Variants in RNH1 observed in about 807,000 individuals in gnomAD.
RNH1 encodes ribonuclease/angiogenin inhibitor 1.
Under a neutral mutation model 46.1 loss-of-function variants are expected in RNH1, and 38 were observed. That is an observed-to-expected ratio of 0.82 (90% CI 0.64 to 1.08). The LOEUF is 1.08. RNH1 is among the 50% of genes least tolerant of loss of function. RNH1 has a pLI of 0.00. For missense variants in RNH1, 577 were observed against 590.7 expected (o/e 0.98, Z 0.24); for synonymous variants, 319 against 279.1 (o/e 1.14, Z -1.43).
At chr11:499,786 A>G in intron 5 of RNH1, 43 bp downstream of exon 5, 1 of 1,580,974 alleles carries the variant, frequency 6.3e-7, no homozygotes, top group Non-Finnish European at 8.6e-7. Flanking sequence ...GCTGGGGGAC[A>G]GGCAGCGGCC....
rs1212231035 is a variant in RNH1 at position 499,562 on chromosome 11, C to T, written c.443+267G>A. 4.7e-5 allele frequency: 33 copies of T among 703,088 alleles called. No homozygotes were observed. In the East Asian group the frequency reaches 8.6e-4, roughly 18 times the overall value. The allele number at this position is 703,088 out of a possible 1,614,324, so 43.6% of individuals were successfully genotyped here. On this transcript the variant is annotated intron_variant, in intron 5 of 10. Transcript: ENST00000354420. ...ACTCACGGCCAGGCATCTGTTCCCACCGTCGGGTCCTGGGGCAGCTGTGCC... is the reference window on the plus strand; with the variant it reads ...ACTCACGGCCAGGCATCTGTTCCCATCGTCGGGTCCTGGGGCAGCTGTGCC...
chr11:502,242 C>G lies in RNH1; in HGVS notation c.-80G>C, dbSNP rs886762348. 1 of 1,173,276 alleles carries G rather than the reference C, an allele frequency of 8.5e-7. No individual in the cohort carries two copies. Among genetic ancestry groups the G allele is most frequent in the Non-Finnish European group, 1.2e-6 (1 of 808,992 alleles). The allele number at this position is 1,173,276 out of a possible 1,614,324, so 72.7% of individuals were successfully genotyped here. The stretch of plus-strand genomic sequence containing the variant: ...CGAATCCCCTCACAGTTTCACAGGC[C>G]GGAGATTCTGCAAACAGGACCCACA... On this transcript the variant is annotated 5_prime_UTR_variant, in exon 3 of 11. Coordinates refer to ENST00000354420, the MANE Select transcript of RNH1 (RefSeq NM_203387.3). The surrounding 1 kb of genome is among the most constrained non-coding windows in gnomAD (Gnocchi z 5.8).
chr11:504,245 G>A (rs1172246293), intron 2 of RNH1, among the ~76,000 whole-genome samples: 1 of 152,198 alleles, frequency 6.6e-6, no homozygotes, highest in Non-Finnish European at 1.5e-5. Flanking sequence ...ACGCTCAGGC[G>A]ACGCGCAAAA....
At chr11:503,490 G>C (rs979836941) in intron 2 of RNH1, 1 of 152,340 alleles carries the variant, frequency 6.6e-6, no homozygotes. Context: ...AGTGGCAAAG[G>C]GTGGTGACAT....
intron 9 of RNH1, among the ~76,000 whole-genome samples, chr11:496,325 A>G (rs1173627459): frequency 1.3e-5 from 2 of 152,170 alleles, no homozygotes; most frequent in Non-Finnish European, 2.9e-5. Flanking sequence ...CTTGAGGTCA[A>G]TAGTTCAAGA....
intron 8 of RNH1, 33 bp downstream of exon 8, chr11:498,424 G>A (rs754944198): frequency 6.2e-7 from 1 of 1,606,548 alleles, no homozygotes; most frequent in South Asian, 1.1e-5. Context: ...CCTCTCTTGG[G>A]CGACAGGGCC....
chr11:502,204 A>C lies in RNH1; in HGVS notation c.-42T>G. 6.6e-7 allele frequency: 1 copy of C among 1,505,018 alleles called. No homozygotes were observed. The highest frequency in any genetic ancestry group is 9.1e-7 in the Non-Finnish European group (1 of 1,094,602). 93.2% of individuals were successfully genotyped at this position (1,505,018 alleles called of 1,614,324 possible). On this transcript the variant is annotated 5_prime_UTR_variant, in exon 3 of 11. Transcript: ENST00000354420. This position sits in a 1 kb window ranked among gnomAD's most constrained non-coding sequence, Gnocchi z 5.8. ...GGCCTGGGTGGGAGGCAGAGGGAAG[A>C]GGACGTCTTGGCCGAATCCCCTCAC...
intron 9 of RNH1, among the ~76,000 whole-genome samples, chr11:496,680 AAAT>A (rs1338995696): frequency 6.6e-6 from 1 of 152,152 alleles, no homozygotes; most frequent in Non-Finnish European, 1.5e-5. Context: ...AAAACAAACA[AAAT>A]AAAATTAGCC....
chr11:507,086 C>A (rs1330271242), intron 1 of RNH1, 27 bp downstream of exon 1: 1 of 152,216 alleles, frequency 6.6e-6, no homozygotes, highest in Non-Finnish European at 1.5e-5. Context: ...CCTGGCTAGA[C>A]GCTGACGCAC....
At chr11:500,700 G>T (rs751139643) in intron 3 of RNH1, 46 bp from the exon 4 acceptor site, 1 of 1,594,152 alleles carries the variant, frequency 6.3e-7, no homozygotes, top group South Asian at 1.1e-5. Context: ...GACAGCACTG[G>T]CCTCAGCCTC....
Position 499,191 on chromosome 11 carries a change from G to A in RNH1, c.444-6C>T. 6.2e-7 allele frequency: 1 copy of A among 1,611,532 alleles called. No homozygotes were observed. Among genetic ancestry groups the A allele is most frequent in the Non-Finnish European group, 8.5e-7 (1 of 1,179,974 alleles). ...AGAGGCTGCAATACTCCAGCCTGGG[G>A]GACAGCAGAGCTCAGCACCACACAG... On this transcript the variant is annotated splice_region_variant and splice_polypyrimidine_tract_variant and intron_variant, in intron 5 of 10. Coordinates refer to ENST00000354420, the MANE Select transcript of RNH1 (RefSeq NM_203387.3).
At position 501,304 on chromosome 11, in the gene RNH1, G is replaced by A. The variant is rs1849731607; in HGVS notation, c.102-650C>T. On this transcript the variant is annotated intron_variant, in intron 3 of 10. Coordinates refer to ENST00000354420, the MANE Select transcript of RNH1 (RefSeq NM_203387.3). The surrounding 1 kb of genome is among the most constrained non-coding windows in gnomAD (Gnocchi z 4.1). ...GGACTTCAACCACAAGAAACCACCAGACAAGCCCCAACAGAGGACGTCCTG... is the reference window on the plus strand; with the variant it reads ...GGACTTCAACCACAAGAAACCACCAAACAAGCCCCAACAGAGGACGTCCTG... The A allele has an allele frequency of 5.6e-6, 1 of 178,776 alleles. No individual in the cohort carries two copies. Among genetic ancestry groups the A allele is most frequent in the Admixed American group, 5.4e-5 (1 of 18,488 alleles). The allele number at this position is 178,776 out of a possible 1,614,324, so 11.1% of individuals were successfully genotyped here.
At chr11:498,377 C>T (rs1037250043) in intron 8 of RNH1, 80 bp downstream of exon 8, 5 of 1,536,738 alleles carry the variant, frequency 3.3e-6, no homozygotes, top group Non-Finnish European at 4.4e-6. Context: ...TCCCTGGAGT[C>T]GCTCACTCCT....
In RNH1 at chr11:500,566, G is replaced by A. The variant is rs200324639; in HGVS notation, c.190C>T (p.Arg64Cys). 115 of 1,610,782 alleles carry A rather than the reference G, an allele frequency of 7.1e-5. No individual in the cohort carries two copies. The highest frequency in any genetic ancestry group is 6.9e-4 in the East Asian group (31 of 44,894). Residue 64 changes from arginine (R) to cysteine (C), a missense_variant, in exon 4 of 11, where the codon CGC becomes TGC. By Grantham distance (180) the Arg-to-Cys change is radical (BLOSUM62 -3). Transcript: ENST00000354420. ...VNPALAELNLRSNELGDVGVH... is the reference protein window; with the variant it reads ...VNPALAELNLCSNELGDVGVH... ...CCGACATCGCCCAGCTCGTTGCTGC[G>A]CAGGTTGAGCTCTGCCAGTGCAGGG...
intron 4 of RNH1, chr11:500,256 G>C (rs910507268): frequency 3.0e-6 from 2 of 668,500 alleles, no homozygotes; most frequent in African/African-American, 3.6e-5. Flanking sequence ...TAGGGATGGC[G>C]GGCAGGGCCA....
rs181108898 is a variant in RNH1, at chr11:499,549, G to A, written c.443+280C>T. On this transcript the variant is annotated intron_variant, in intron 5 of 10. Transcript: ENST00000354420. The stretch of plus-strand genomic sequence containing the variant: ...TGAGTGGAACCTGACTCACGGCCAG[G>A]CATCTGTTCCCACCGTCGGGTCCTG... 7 of 700,564 alleles carry A rather than the reference G, an allele frequency of 1.0e-5. No individual in the cohort carries two copies. The Admixed American group carries it at 1.4e-4, about 14-fold the overall frequency. 43.4% of individuals were successfully genotyped at this position (700,564 alleles called of 1,614,324 possible). A position where few individuals can be genotyped will look rare whatever the true frequency, so the allele number is the denominator to read the frequency against.
chr11:495,106 G>A, intron 9 of RNH1, 53 bp from the exon 10 acceptor site: 2 of 1,550,078 alleles, frequency 1.3e-6, no homozygotes, highest in Non-Finnish European at 1.7e-6. Flanking sequence ...GCACCGCACT[G>A]ACCGGCAGAG....
chr11:500,774 C>A (rs3781612), intron 3 of RNH1, 120 bp from the exon 4 acceptor site: 1 of 1,047,090 alleles, frequency 9.6e-7, no homozygotes, highest in Admixed American at 2.0e-5. Flanking sequence ...AGGCAAGTCA[C>A]ACAAGACATT....
At chr11:496,869 A>C (rs1849117095) in intron 9 of RNH1, among the ~76,000 whole-genome samples, 1 of 152,270 alleles carries the variant, frequency 6.6e-6, no homozygotes, top group African/African-American at 2.4e-5. Flanking sequence ...CCCGCAAGGG[A>C]GAAAGGTGGG....
Sources: allele counts gnomAD v4.1 joint callset (sites outside exome capture counted in the v4.1 genomes callset), GRCh38; gene constraint gnomAD v4.1.1; non-coding constraint Gnocchi (gnomAD v3.1); transcripts MANE v1.5; gene names NCBI Gene and HGNC (gene_info 2026-07-23, HGNC 2026-07-21).